Variants in NRXN1 observed in about 807,000 individuals in gnomAD.
NRXN1 encodes neurexin 1.
NRXN1 carries 39 observed loss-of-function variants against 150.9 expected under a neutral mutation model. The ratio of observed to expected loss-of-function variants is 0.26; its 90% CI spans 0.20 to 0.34. The LOEUF (loss-of-function observed/expected upper bound fraction) is 0.34, where lower values mean the gene tolerates loss of function less well. NRXN1 is among the 10% of genes least tolerant of loss of function. The pLI, the probability that NRXN1 is intolerant of heterozygous loss-of-function variation, is 1.00. For missense variants in NRXN1, 1,815 were observed against 1,949.9 expected, an observed-to-expected ratio of 0.93 and a Z score of 1.30; for synonymous variants, 924 against 757.0, an observed-to-expected ratio of 1.22 and a Z score of -3.62.
At position 50,329,667 on chromosome 2, in the gene NRXN1, ATATATATTTTT is replaced by A. The variant is rs1243521414; in HGVS notation, c.3365-92708_3365-92698del. ...TATATATATATATATATATATATATATATATATTTTTTTTTTTCCCCCCCGAGACGGAGTCT... is the reference window on the plus strand; with the variant it reads ...TATATATATATATATATATATATATATTTTTTCCCCCCCGAGACGGAGTCT... On this transcript the variant is annotated intron_variant, in intron 17 of 22. Coordinates refer to ENST00000401669, the MANE Select transcript of NRXN1 (RefSeq NM_001330078.2). Among the ~76,000 whole-genome samples the A allele has an allele frequency of 1.5e-3, 39 of 26,254 alleles. 1 individual carries two copies. The highest frequency in any genetic ancestry group is 7.9e-3 in the African/African-American group (37 of 4,684). The allele number at this position is 26,254 out of a possible 152,430, so 17.2% of individuals were successfully genotyped here.
At chr2:50,604,121 T>C (rs951202572) in intron 8 of NRXN1, among the ~76,000 whole-genome samples, 2 of 152,222 alleles carry the variant, frequency 1.3e-5, no homozygotes, top group Admixed American at 6.5e-5. Context: ...TATATTTACA[T>C]GGAGGCTTAG....
At chr2:50,952,269 T>C (rs1015709760) in intron 2 of NRXN1, among the ~76,000 whole-genome samples, 1 of 152,130 alleles carries the variant, frequency 6.6e-6, no homozygotes, top group Non-Finnish European at 1.5e-5. Context: ...AAATATATTT[T>C]ATAAAAAGAA....
intron 21 of NRXN1, among the ~76,000 whole-genome samples, chr2:50,003,161 C>T (rs1684215708): frequency 6.6e-6 from 1 of 152,068 alleles, no homozygotes; most frequent in Non-Finnish European, 1.5e-5. Context: ...AATTATGCAT[C>T]AATATGGAAT....
chr2:50,015,918 G>A lies in NRXN1; in HGVS notation c.4128+37353C>T, dbSNP rs151202910. ...TGAGGCTTAGATAAAAATCTCCAAGGAGATGGAATTTCCAACAGTATCCAT... is the reference window on the plus strand; with the variant it reads ...TGAGGCTTAGATAAAAATCTCCAAGAAGATGGAATTTCCAACAGTATCCAT... On this transcript the variant is annotated intron_variant, in intron 21 of 22. Transcript: ENST00000401669. 5.4e-4 allele frequency among the ~76,000 whole-genome samples: 82 copies of A among 152,160 alleles called. No individual in the cohort carries two copies. In the East Asian group the frequency reaches 0.014, roughly 27 times the overall value.
chr2:50,037,090 G>C (rs969281542), intron 21 of NRXN1, among the ~76,000 whole-genome samples: 17 of 152,108 alleles, frequency 1.1e-4, no homozygotes, highest in Non-Finnish European at 2.1e-4. Flanking sequence ...ATTTTTTAAA[G>C]ACAAAATGTA....
At chr2:50,071,136 T>C (rs770049179) in intron 19 of NRXN1, among the ~76,000 whole-genome samples, 3 of 152,230 alleles carry the variant, frequency 2.0e-5, no homozygotes, top group Non-Finnish European at 4.4e-5. Context: ...TTAGGCTGTG[T>C]CATATACAAG....
chr2:50,222,869 A>G (rs1156289144), intron 18 of NRXN1, among the ~76,000 whole-genome samples: 1 of 152,008 alleles, frequency 6.6e-6, no homozygotes, highest in Admixed American at 6.6e-5. Context: ...ATGTATATGC[A>G]TAAGATTAAA....
intron 10 of NRXN1, among the ~76,000 whole-genome samples, chr2:50,533,348 A>C (rs72835359): frequency 0.062 from 9,394 of 152,190 alleles, 408 homozygotes; most frequent in South Asian, 0.21. Context: ...TTTCAATTGG[A>C]ATATTATTAA....
intron 5 of NRXN1, among the ~76,000 whole-genome samples, chr2:50,661,001 G>C (rs1687217918): frequency 6.6e-6 from 1 of 151,964 alleles, no homozygotes; most frequent in Non-Finnish European, 1.5e-5. Flanking sequence ...GAAATTGTAA[G>C]GGAAAGGACA....
rs547335800 is a variant in NRXN1 at position 50,513,671 on chromosome 2, G to A, written c.2375-7054C>T. 7.2e-5 allele frequency among the ~76,000 whole-genome samples: 11 copies of A among 152,070 alleles called. No individual in the cohort carries two copies. The South Asian group carries it at 2.3e-3, about 32-fold the overall frequency. ...TTTATACTGGTTTATGAATGTGGAG[G>A]GAAAATATAGTGAAGAGAAATAGAG... On this transcript the variant is annotated intron_variant, in intron 12 of 22. Coordinates refer to ENST00000401669, the MANE Select transcript of NRXN1 (RefSeq NM_001330078.2).
intron 17 of NRXN1, among the ~76,000 whole-genome samples, chr2:50,263,773 C>A (rs2068554627): frequency 6.6e-6 from 1 of 152,054 alleles, no homozygotes. Context: ...ATCTTAACAC[C>A]TAGTTCAATA....
At chr2:50,292,563 A>T (rs899088218) in intron 17 of NRXN1, among the ~76,000 whole-genome samples, 1 of 152,166 alleles carries the variant, frequency 6.6e-6, no homozygotes, top group South Asian at 2.1e-4. Flanking sequence ...AAAAGCATGC[A>T]AGAGCTCTGG....
chr2:50,891,208 C>T (rs758693450), intron 5 of NRXN1, among the ~76,000 whole-genome samples: 4 of 151,926 alleles, frequency 2.6e-5, no homozygotes, highest in Admixed American at 1.3e-4. Context: ...AAGAAGTAGG[C>T]CAAGTGAACC....
chr2:50,817,687 C>T (rs967436747), intron 5 of NRXN1, among the ~76,000 whole-genome samples: 2 of 151,958 alleles, frequency 1.3e-5, no homozygotes, highest in Non-Finnish European at 2.9e-5. Flanking sequence ...TCCTGGGTTG[C>T]AGGGATGGTT....
chr2:50,966,557 A>T (rs1004816724), intron 2 of NRXN1, among the ~76,000 whole-genome samples: 1 of 151,720 alleles, frequency 6.6e-6, no homozygotes, highest in Non-Finnish European at 1.5e-5. Flanking sequence ...TGGGCATTAC[A>T]TTAGAAAGGC....
intron 21 of NRXN1, among the ~76,000 whole-genome samples, chr2:49,987,019 G>A (rs6713466): frequency 0.48 from 73,289 of 151,710 alleles, 18,154 homozygotes; most frequent in Middle Eastern, 0.61. Context: ...GAGCCACTGC[G>A]TTCCAGCTTG....
At chr2:49,968,529 T>G (rs1399914878) in intron 21 of NRXN1, among the ~76,000 whole-genome samples, 6 of 152,066 alleles carry the variant, frequency 3.9e-5, no homozygotes, top group Non-Finnish European at 8.8e-5. Context: ...TCTCTGGATA[T>G]TCTAGTACCC....
At position 51,030,347 on chromosome 2, in the gene NRXN1, C is replaced by T. The variant is rs78557520; in HGVS notation, c.-921-1153G>A. Among the ~76,000 whole-genome samples, 1,027 of 151,706 alleles carry T rather than the reference C, an allele frequency of 6.8e-3. 6 individuals carry two copies. Among genetic ancestry groups the T allele is most frequent in the Non-Finnish European group, 0.011 (742 of 67,918 alleles). Reference sequence around the variant, plus strand: ...CACTACCCAATTAACACTTTTTTTCCCTTACAAGCTGAAACTAGCAGTAAT... The same window carrying T: ...CACTACCCAATTAACACTTTTTTTCTCTTACAAGCTGAAACTAGCAGTAAT... On this transcript the variant is annotated intron_variant, in intron 1 of 22. Transcript: ENST00000401669.
chr2:50,297,515 T>G (rs2073727513), intron 17 of NRXN1, among the ~76,000 whole-genome samples: 1 of 152,156 alleles, frequency 6.6e-6, no homozygotes, highest in East Asian at 1.9e-4. Flanking sequence ...AAAAAAAGCT[T>G]TACTACTTTG....
Sources: gnomAD v4.1 joint callset for allele counts (sites outside exome capture counted in the v4.1 genomes callset) on GRCh38, gnomAD v4.1.1 for gene constraint, MANE v1.5 for transcripts, NCBI Gene and HGNC (gene_info 2026-07-23, HGNC 2026-07-21) for gene names.